The following SPSB1 variants were observed in gnomAD, a reference collection of about 807,000 sequenced individuals.
SPSB1 encodes splA/ryanodine receptor domain and SOCS box containing 1, also known as SPRY domain-containing SOCS box protein 1.
In SPSB1, 8 loss-of-function variants were observed where a neutral mutation model predicts 21.2. The ratio of observed to expected loss-of-function variants is 0.38; its 90% confidence interval spans 0.22 to 0.68. The LOEUF (loss-of-function observed/expected upper bound fraction) is 0.68. SPSB1 is among the 30% of genes least tolerant of loss of function. The probability of loss-of-function intolerance (pLI) is 0.53; values close to 1 mark genes in which losing one functional copy is unlikely to be tolerated. For missense variants in SPSB1, 242 were observed against 377.8 expected (o/e 0.64, Z 2.98); for synonymous variants, 169 against 161.7 (o/e 1.05, Z -0.34).
intron 1 of SPSB1, among the ~76,000 whole-genome samples, chr1:9,341,136 GGAAT>G (rs567298722): frequency 1.3e-5 from 2 of 152,108 alleles, no homozygotes; most frequent in Non-Finnish European, 2.9e-5. Context: ...TGTGATAAAT[GGAAT>G]AGGCACACCC....
chr1:9,303,352 C>T (rs987887879), intron 1 of SPSB1, among the ~76,000 whole-genome samples: 5 of 152,094 alleles, frequency 3.3e-5, no homozygotes, highest in East Asian at 1.9e-4. Context: ...TTGTTGCAGA[C>T]GAAAGGAACA....
chr1:9,352,549 TCG>T (rs1180244164), intron 1 of SPSB1, among the ~76,000 whole-genome samples: 2 of 152,136 alleles, frequency 1.3e-5, no homozygotes, highest in Non-Finnish European at 2.9e-5. Context: ...GCATTTACTA[TCG>T]CGCCCATTTC....
chr1:9,324,385 G>A lies in SPSB1; in HGVS notation c.-150+31314G>A, dbSNP rs1307757660. Among the ~76,000 whole-genome samples, 3 of 152,172 alleles carry A rather than the reference G, an allele frequency of 2.0e-5. No homozygotes were observed. The highest frequency in any genetic ancestry group is 2.9e-5 in the Non-Finnish European group (2 of 68,032). Reference sequence around the variant, plus strand: ...CTGCTGCGATCCTGTGGCTCAGCACGTGGTAGGTCCTCAGTGAGGCTGTGA... The same window carrying A: ...CTGCTGCGATCCTGTGGCTCAGCACATGGTAGGTCCTCAGTGAGGCTGTGA... On this transcript the variant is annotated intron_variant, in intron 1 of 2. Transcript: ENST00000328089. This position sits in a 1 kb window ranked among gnomAD's most constrained non-coding sequence, Gnocchi z 4.3.
intron 1 of SPSB1, among the ~76,000 whole-genome samples, chr1:9,319,825 C>T (rs535107023): frequency 1.1e-4 from 17 of 152,158 alleles, no homozygotes; most frequent in Middle Eastern, 6.8e-3. Context: ...CATCCACACC[C>T]GCTGTTTCTG....
At chr1:9,318,292 C>T (rs1046851767) in intron 1 of SPSB1, among the ~76,000 whole-genome samples, 4 of 152,380 alleles carry the variant, frequency 2.6e-5, no homozygotes, top group Non-Finnish European at 2.9e-5. Context: ...TGCCCACCCA[C>T]GCCTCCCTTG....
At position 9,367,648 on chromosome 1, in the gene SPSB1, C is replaced by T. The variant is rs1042201892; in HGVS notation, c.*73C>T. 5.9e-5 allele frequency: 89 copies of T among 1,511,342 alleles called. No homozygotes were observed. Among genetic ancestry groups the T allele is most frequent in the Admixed American group, 8.2e-5 (4 of 48,962 alleles). 93.6% of individuals were successfully genotyped at this position (1,511,342 alleles called of 1,614,324 possible). The stretch of plus-strand genomic sequence containing the variant: ...CTGAGCCGCCTGCCGCTGGGGCCGC[C>T]GCACCCTGCACCTTGGACCGGCATC... On this transcript the variant is annotated 3_prime_UTR_variant, in exon 3 of 3. Coordinates refer to ENST00000328089, the MANE Select transcript of SPSB1 (RefSeq NM_025106.4). This position sits in a 1 kb window ranked among gnomAD's most constrained non-coding sequence, Gnocchi z 5.9.
chr1:9,330,443 C>T (rs971252841), intron 1 of SPSB1, among the ~76,000 whole-genome samples: 7 of 151,208 alleles, frequency 4.6e-5, no homozygotes, highest in Admixed American at 1.3e-4. Flanking sequence ...CCAGCCTGGG[C>T]GACAGGAGCT....
chr1:9,337,141 G>A (rs1179075341), intron 1 of SPSB1, among the ~76,000 whole-genome samples: 1 of 152,092 alleles, frequency 6.6e-6, no homozygotes, highest in African/African-American at 2.4e-5. Flanking sequence ...CATGAGAGGG[G>A]AAGGGGTGCT....
At chr1:9,313,368 C>T (rs571423598) in intron 1 of SPSB1, among the ~76,000 whole-genome samples, 1 of 152,164 alleles carries the variant, frequency 6.6e-6, no homozygotes, top group Non-Finnish European at 1.5e-5. Flanking sequence ...CCACTGCACT[C>T]CAGCCTGGGC....
rs546139728 is a variant in SPSB1, at chr1:9,307,175, G to A, written c.-150+14104G>A. ...ACTCCTGACCTCAGGTGATCTGCCC[G>A]CTTTGGCCTCCCAAAGTGCTGGGAT... On this transcript the variant is annotated intron_variant, in intron 1 of 2. Transcript: ENST00000328089. Among the ~76,000 whole-genome samples, 15 of 152,168 alleles carry A rather than the reference G, an allele frequency of 9.9e-5. No individual in the cohort carries two copies. The South Asian group carries it at 1.7e-3, about 17-fold the overall frequency.
At chr1:9,354,736 G>A (rs1640333851) in intron 1 of SPSB1, among the ~76,000 whole-genome samples, 1 of 152,056 alleles carries the variant, frequency 6.6e-6, no homozygotes, top group African/African-American at 2.4e-5. Flanking sequence ...AGGAGGTGGA[G>A]GTTGCAGTGA....
intron 1 of SPSB1, among the ~76,000 whole-genome samples, chr1:9,307,498 G>A (rs1021578969): frequency 6.6e-6 from 1 of 152,210 alleles, no homozygotes; most frequent in Non-Finnish European, 1.5e-5. Context: ...ACGTTGCATG[G>A]CCTTCTGCGT....
chr1:9,316,458 C>T (rs1475394205), intron 1 of SPSB1, among the ~76,000 whole-genome samples: 2 of 152,196 alleles, frequency 1.3e-5, no homozygotes, highest in African/African-American at 2.4e-5. Context: ...GATACTGGTA[C>T]TCAGCAAGCA....
At position 9,294,333 on chromosome 1, in the gene SPSB1, C is replaced by T. The variant is rs1049757740; in HGVS notation, c.-150+1262C>T. The stretch of plus-strand genomic sequence containing the variant: ...GTATGTGTGAGTGTCTGTGTGTCTC[C>T]AAGTGTGTGTCTGTGTGTCTTTGTG... On this transcript the variant is annotated intron_variant, in intron 1 of 2. Coordinates refer to ENST00000328089, the MANE Select transcript of SPSB1 (RefSeq NM_025106.4). Among the ~76,000 whole-genome samples the T allele has an allele frequency of 2.0e-5, 3 of 149,274 alleles. No homozygotes were observed. The South Asian group carries it at 6.5e-4, about 32-fold the overall frequency.
chr1:9,297,316 A>G (rs1369569338), intron 1 of SPSB1, among the ~76,000 whole-genome samples: 2 of 152,152 alleles, frequency 1.3e-5, no homozygotes, highest in Non-Finnish European at 2.9e-5. Flanking sequence ...CAAACTCCAC[A>G]CTTGAGAAAT....
chr1:9,365,916 C>A (rs1640561726), intron 2 of SPSB1, among the ~76,000 whole-genome samples: 2 of 152,186 alleles, frequency 1.3e-5, no homozygotes, highest in Non-Finnish European at 2.9e-5. Flanking sequence ...GTGCTCACTC[C>A]TACCTGGTTT....
At chr1:9,314,331 A>G (rs1326839287) in intron 1 of SPSB1, among the ~76,000 whole-genome samples, 1 of 152,022 alleles carries the variant, frequency 6.6e-6, no homozygotes, top group Non-Finnish European at 1.5e-5. Flanking sequence ...TAAATATACA[A>G]GGCAGCTCTC....
chr1:9,324,947 G>A lies in SPSB1; in HGVS notation c.-149-30796G>A, dbSNP rs1273324358. ...GGGGAGCAGGGACACCCGGCCTGGCGGGCTGGTGGATCGGAGGCGCCTGTG... is the reference window on the plus strand; with the variant it reads ...GGGGAGCAGGGACACCCGGCCTGGCAGGCTGGTGGATCGGAGGCGCCTGTG... On this transcript the variant is annotated intron_variant, in intron 1 of 2. Transcript: ENST00000328089. This position sits in a 1 kb window ranked among gnomAD's most constrained non-coding sequence, Gnocchi z 4.3. Among the ~76,000 whole-genome samples, 3 of 152,214 alleles carry A rather than the reference G, an allele frequency of 2.0e-5. No homozygotes were observed. The highest frequency in any genetic ancestry group is 4.8e-5 in the African/African-American group (2 of 41,462).
chr1:9,330,242 C>A (rs917922219), intron 1 of SPSB1, among the ~76,000 whole-genome samples: 5 of 152,038 alleles, frequency 3.3e-5, no homozygotes, highest in Non-Finnish European at 5.9e-5. Context: ...CTGAGGCGGG[C>A]GGATCACCTG....
Sources: allele counts gnomAD v4.1 joint callset (sites outside exome capture counted in the v4.1 genomes callset), GRCh38; gene constraint gnomAD v4.1.1; non-coding constraint Gnocchi (gnomAD v3.1); transcripts MANE v1.5; gene names NCBI Gene and HGNC (gene_info 2026-07-23, HGNC 2026-07-21).